The following FBXO25 variants were observed in gnomAD, a reference collection of about 807,000 sequenced individuals.
The protein encoded by FBXO25 is F-box protein 25, also known as F-box only protein 25.
Under a neutral mutation model 51.9 loss-of-function variants are expected in FBXO25, and 45 were observed. The observed-to-expected ratio is 0.87, with a 90% CI of 0.68 to 1.11. The LOEUF (loss-of-function observed/expected upper bound fraction) is 1.11, where lower values mean the gene tolerates loss of function less well. Among genes scored for constraint, FBXO25 ranks in the 50% most tolerant of loss-of-function variants. The pLI is 0.00. For synonymous variants in FBXO25, 199 were observed against 151.0 expected (o/e 1.32, Z -2.33); for missense variants, 507 against 428.5 (o/e 1.18, Z -1.62).
chr8:419,053 G>T (rs116949617), intron 2 of FBXO25, among the ~76,000 whole-genome samples: 11 of 152,288 alleles, frequency 7.2e-5, no homozygotes, highest in Non-Finnish European at 1.5e-4. Context: ...TATACCTAAA[G>T]TCATCATTAG....
chr8:431,386 T>G lies in FBXO25; in HGVS notation c.180T>G (p.His60Gln). The change falls in exon 3 of 10, where the codon CAT becomes CAG. Residue 60 changes from histidine to glutamine, a missense_variant. By Grantham distance (24) the His-to-Gln change is conservative. Coordinates refer to ENST00000350302, the MANE Select transcript of FBXO25 (RefSeq NM_183420.2). ...GAGAAATATTCAATAATGAAGAGCA[T>G]GAATATGCATCGAAAAAAAGGAAAA... ...EDGEIFNNEE[H>Q]EYASKKRKKD... 1 of 1,555,672 alleles carries G rather than the reference T, an allele frequency of 6.4e-7. No individual in the cohort carries two copies.
At chr8:454,049 G>A (rs367688959) in intron 7 of FBXO25, among the ~76,000 whole-genome samples, 5 of 152,216 alleles carry the variant, frequency 3.3e-5, no homozygotes, top group East Asian at 3.9e-4. Context: ...GCTTGAACCC[G>A]GGAGGTGGAG....
At position 463,049 on chromosome 8, in the gene FBXO25, T is replaced by G. The variant is rs1433688725; in HGVS notation, c.886T>G (p.Trp296Gly). ...LILSEKGHIE[W>G]KLMYFALQKH... Reference sequence around the variant, plus strand: ...CCTTTCAGAAAAAGGTCATATTGAATGGAAGTTGATGTACTTTGCACTTCA... The same window carrying G: ...CCTTTCAGAAAAAGGTCATATTGAAGGGAAGTTGATGTACTTTGCACTTCA... Residue 296 changes from tryptophan to glycine, a missense_variant, in exon 9 of 10, where the codon TGG becomes GGG. Transcript: ENST00000350302. 1.2e-6 allele frequency: 2 copies of G among 1,613,520 alleles called. No homozygotes were observed. Among genetic ancestry groups the G allele is most frequent in the East Asian group, 4.5e-5 (2 of 44,878 alleles).
chr8:451,336 C>A lies in FBXO25; in HGVS notation c.543C>A (p.Cys181Ter). 1 of 1,613,682 alleles carries A rather than the reference C, an allele frequency of 6.2e-7. No homozygotes were observed. The highest frequency in any genetic ancestry group is 8.5e-7 in the Non-Finnish European group (1 of 1,179,704). The change falls in exon 7 of 10, where the codon TGC becomes TGA. Residue 181 changes from cysteine (C) to a stop codon, truncating the protein, a stop_gained. Transcript: ENST00000350302. LOFTEE classifies it high-confidence loss of function. ...TGCAAGACCTAAGCTCTACCCTCTG[C>A]ATTCTTATTAGAGGAGTAGGGAAGT... ...DLLQDLSSTL[C>*]ILIRGVGKSV...
chr8:418,847 G>C (rs1480299686), intron 2 of FBXO25, among the ~76,000 whole-genome samples: 1 of 152,162 alleles, frequency 6.6e-6, no homozygotes, highest in Non-Finnish European at 1.5e-5. Context: ...GCAAGGAAAA[G>C]TGAACCTCTA....
chr8:449,952 A>G (rs1451571015), intron 5 of FBXO25, 38 bp from the exon 6 acceptor site: 4 of 1,357,092 alleles, frequency 2.9e-6, no homozygotes, highest in Admixed American at 1.9e-5. Context: ...CATATTAAAT[A>G]TATATATCGC....
At chr8:442,336 G>C (rs1399521614) in intron 5 of FBXO25, among the ~76,000 whole-genome samples, 1 of 151,522 alleles carries the variant, frequency 6.6e-6, no homozygotes. Context: ...TCTACTTGAA[G>C]TAGGAACTAT....
At position 473,533 on chromosome 8, in the gene FBXO25, C is replaced by T. The variant is rs1162618866; in HGVS notation, c.*4729C>T. The T allele has an allele frequency of 6.6e-6, 1 of 152,250 alleles. No individual in the cohort carries two copies. Among genetic ancestry groups the T allele is most frequent in the African/African-American group, 2.4e-5 (1 of 41,448 alleles). The allele number at this position is 152,250 out of a possible 1,614,324, so 9.4% of individuals were successfully genotyped here. A position where few individuals can be genotyped will look rare whatever the true frequency, so the allele number is the denominator to read the frequency against. ...ATGCCTAGGAGAGGCTGTTAACCCT[C>T]CTAGTTGTCCTTTTTGTACTTGGTC... On this transcript the variant is annotated 3_prime_UTR_variant, in exon 10 of 10. Transcript: ENST00000350302.
intron 2 of FBXO25, among the ~76,000 whole-genome samples, chr8:426,765 C>T (rs1797510492): frequency 6.8e-6 from 1 of 147,188 alleles, no homozygotes; most frequent in Admixed American, 6.7e-5. Flanking sequence ...AGTGCAGTTG[C>T]TTCTCCCTGC....
In FBXO25 at chr8:465,457, TG is replaced by T. The variant is rs1166007416; in HGVS notation, c.987+2308del. 3.3e-5 allele frequency among the ~76,000 whole-genome samples: 5 copies of T among 152,334 alleles called. No individual in the cohort carries two copies. The South Asian group carries it at 1.0e-3, about 32-fold the overall frequency. On this transcript the variant is annotated intron_variant, in intron 9 of 9. Coordinates refer to ENST00000350302, the MANE Select transcript of FBXO25 (RefSeq NM_183420.2). ...AGAAGGGATAGAAGGCTTTCAGTTT[TG>T]TATGTGGTAGTATTTTTCTTAGAAC...
At chr8:442,261 A>T (rs1245097493) in intron 5 of FBXO25, among the ~76,000 whole-genome samples, 1 of 150,516 alleles carries the variant, frequency 6.6e-6, no homozygotes, top group Non-Finnish European at 1.5e-5. Flanking sequence ...TATTGTATAC[A>T]TAAATGTTTT....
Position 433,158 on chromosome 8 carries a change from G to T in FBXO25, c.288+223G>T, listed in dbSNP as rs1432468313. On this transcript the variant is annotated intron_variant, in intron 4 of 9. Coordinates refer to ENST00000350302, the MANE Select transcript of FBXO25 (RefSeq NM_183420.2). ...GCATGTGGTATGTGGCTGTGTATTT[G>T]TGCACACATTTGTGTGTGTTGTGTG... is the stretch of plus-strand genomic sequence containing the variant. Among the ~76,000 whole-genome samples, 3 of 152,088 alleles carry T rather than the reference G, an allele frequency of 2.0e-5. No individual in the cohort carries two copies. In the East Asian group the frequency reaches 5.8e-4, roughly 29 times the overall value.
chr8:463,526 C>T (rs1481255150), intron 9 of FBXO25, among the ~76,000 whole-genome samples: 1 of 152,184 alleles, frequency 6.6e-6, no homozygotes, highest in African/African-American at 2.4e-5. Context: ...TCCTCGTTTC[C>T]CCAGACTTAG....
chr8:425,079 A>C (rs1469663751), intron 2 of FBXO25, among the ~76,000 whole-genome samples: 4 of 152,068 alleles, frequency 2.6e-5, no homozygotes, highest in African/African-American at 9.7e-5. Flanking sequence ...CATCCTTGTG[A>C]CCACACCCGG....
Position 451,367 on chromosome 8 carries a change from T to C in FBXO25, c.574T>C (p.Leu192=). ...TATTAGAGGAGTAGGGAAGTCTGTA[T>C]TAGTGGGAAACATCAATATTTGGAT... is the stretch of plus-strand genomic sequence containing the variant. ...ILIRGVGKSV[L]VGNINIWICR... is the part of the protein sequence containing the mutation. The change falls in exon 7 of 10, where the codon TTA becomes CTA. Residue 192 remains leucine, a synonymous_variant. Coordinates refer to ENST00000350302, the MANE Select transcript of FBXO25 (RefSeq NM_183420.2). 6.2e-7 allele frequency: 1 copy of C among 1,614,072 alleles called. No individual in the cohort carries two copies. Among genetic ancestry groups the C allele is most frequent in the African/African-American group, 1.3e-5 (1 of 75,048 alleles).
At chr8:408,277 T>G (rs1285653054) in intron 1 of FBXO25, among the ~76,000 whole-genome samples, 1 of 152,160 alleles carries the variant, frequency 6.6e-6, no homozygotes, top group Non-Finnish European at 1.5e-5. Context: ...GCCTTTGTAT[T>G]TAGGTTCATC....
intron 5 of FBXO25, among the ~76,000 whole-genome samples, chr8:441,748 C>G (rs568360719): frequency 4.9e-4 from 74 of 152,288 alleles, no homozygotes; most frequent in Middle Eastern, 3.4e-3. Context: ...ATGCAGCCAA[C>G]AAACATGAAG....
chr8:449,578 A>G lies in FBXO25; in HGVS notation c.382-412A>G, dbSNP rs375758593. On this transcript the variant is annotated intron_variant, in intron 5 of 9. Coordinates refer to ENST00000350302, the MANE Select transcript of FBXO25 (RefSeq NM_183420.2). ...TGATTTTCTGATTGTCTGTTCAGCA[A>G]ACAACTGCGAGTATGGGCTTAGGTT... 2.3e-4 allele frequency among the ~76,000 whole-genome samples: 35 copies of G among 152,346 alleles called. No individual in the cohort carries two copies. In the South Asian group the frequency reaches 2.7e-3, roughly 12 times the overall value.
rs1017996200 is a variant in FBXO25 at position 469,695 on chromosome 8, C to G, written c.*891C>G. The G allele has an allele frequency of 6.9e-6, 1 of 144,286 alleles. No homozygotes were observed. Among genetic ancestry groups the G allele is most frequent in the African/African-American group, 2.6e-5 (1 of 38,174 alleles). The allele number at this position is 144,286 out of a possible 1,614,324, so 8.9% of individuals were successfully genotyped here. A position where few individuals can be genotyped will look rare whatever the true frequency, so the allele number is the denominator to read the frequency against. On this transcript the variant is annotated 3_prime_UTR_variant, in exon 10 of 10. Coordinates refer to ENST00000350302, the MANE Select transcript of FBXO25 (RefSeq NM_183420.2). ...CATTTTAGAAAATTAGAAAATCAGT[C>G]CCACCACCCAAAGATTATTGTGCAT...
Sources: allele counts gnomAD v4.1 joint callset (sites outside exome capture counted in the v4.1 genomes callset), GRCh38; gene constraint gnomAD v4.1.1; transcripts MANE v1.5; gene names NCBI Gene and HGNC (gene_info 2026-07-23, HGNC 2026-07-21).